DNAH7: variants seen among roughly 807,000 people sequenced by gnomAD.
DNAH7 encodes dynein axonemal heavy chain 7.
In DNAH7, 397 loss-of-function variants were observed where a neutral mutation model predicts 444.6. The ratio of observed to expected loss-of-function variants is 0.89; its 90% CI spans 0.82 to 0.97. DNAH7 has a LOEUF of 0.97. Among genes scored for constraint, DNAH7 ranks in the 50% least tolerant of loss-of-function variants. The pLI, the probability that DNAH7 is intolerant of heterozygous loss-of-function variation, is 0.00. For synonymous variants in DNAH7, 1,636 were observed against 1,624.4 expected (o/e 1.01, Z -0.17); for missense variants, 4,902 against 4,800.8 (o/e 1.02, Z -0.62).
intron 61 of DNAH7, among the ~76,000 whole-genome samples, chr2:195,764,559 T>C (rs1029200282): frequency 5.9e-5 from 9 of 152,168 alleles, no homozygotes; most frequent in Admixed American, 2.0e-4. Context: ...AAAATCAACG[T>C]ACAAAAATTA....
chr2:195,888,815 A>T lies in DNAH7; in HGVS notation c.5213T>A (p.Val1738Asp), dbSNP rs1334313911. 1.9e-6 allele frequency: 3 copies of T among 1,611,052 alleles called. No individual in the cohort carries two copies. The highest frequency in any genetic ancestry group is 2.5e-6 in the Non-Finnish European group (3 of 1,179,034). Residue 1738 changes from valine to aspartate, a missense_variant, in exon 32 of 65, where the codon GTT becomes GAT. Coordinates refer to ENST00000312428, the MANE Select transcript of DNAH7 (RefSeq NM_018897.3). ...NLIFEPMDLE[V>D]ASPATVSRCG... The stretch of plus-strand genomic sequence containing the variant: ...AGAACTTACAGTGGCAGGGGAAGCA[A>T]CTTCTAAATCCATTGGCTCAAAAAT...
rs866926180 is a variant in DNAH7, at chr2:195,817,849, C to A, written c.9292-20G>T. ...TGTTACCTATAAATGAAAAAATATACAAAAATTACATCATTATTTCTGTTA... is the reference window on the plus strand; with the variant it reads ...TGTTACCTATAAATGAAAAAATATAAAAAAATTACATCATTATTTCTGTTA... On this transcript the variant is annotated intron_variant, in intron 49 of 64. Coordinates refer to ENST00000312428, the MANE Select transcript of DNAH7 (RefSeq NM_018897.3). 2 of 1,521,054 alleles carry A rather than the reference C, an allele frequency of 1.3e-6. No individual in the cohort carries two copies. Among genetic ancestry groups the A allele is most frequent in the South Asian group, 1.2e-5 (1 of 80,436 alleles). The allele number at this position is 1,521,054 out of a possible 1,614,324, so 94.2% of individuals were successfully genotyped here.
At chr2:195,829,176 C>T (rs1697941883) in intron 48 of DNAH7, among the ~76,000 whole-genome samples, 1 of 152,018 alleles carries the variant, frequency 6.6e-6, no homozygotes. Context: ...ATAATAACTA[C>T]CAAAATAGGT....
At chr2:196,022,111 A>C (rs1246732760) in intron 8 of DNAH7, among the ~76,000 whole-genome samples, 2 of 152,142 alleles carry the variant, frequency 1.3e-5, no homozygotes, top group Admixed American at 1.3e-4. Context: ...TGGGCAAGAG[A>C]GTGAGACCCT....
At chr2:196,061,471 C>T (rs1010953622) in intron 1 of DNAH7, among the ~76,000 whole-genome samples, 2 of 152,190 alleles carry the variant, frequency 1.3e-5, no homozygotes, top group African/African-American at 2.4e-5. Context: ...CCTACCAGAA[C>T]TTCCCCATAT....
intron 24 of DNAH7, among the ~76,000 whole-genome samples, chr2:195,910,703 C>G (rs553335693): frequency 6.6e-6 from 1 of 151,988 alleles, no homozygotes; most frequent in Non-Finnish European, 1.5e-5. Flanking sequence ...CAGAAGTGAG[C>G]AATGTGGGGA....
chr2:195,797,569 G>C (rs529513137), intron 55 of DNAH7, among the ~76,000 whole-genome samples: 1 of 152,196 alleles, frequency 6.6e-6, no homozygotes, highest in East Asian at 1.9e-4. Context: ...TCAAAGGGTC[G>C]TCAAGCTTGT....
Position 195,923,632 on chromosome 2 carries a change from T to G in DNAH7, c.3788A>C (p.Asp1263Ala). The G allele has an allele frequency of 6.2e-7, 1 of 1,614,116 alleles. No individual in the cohort carries two copies. ...LVKKNISDDS[D>A]FEWLSQLRYY... ...CCTAAGCTGACTTAACCATTCAAAGTCAGAGTCATCGCTAATATTTTTTTT... is the reference window on the plus strand; with the variant it reads ...CCTAAGCTGACTTAACCATTCAAAGGCAGAGTCATCGCTAATATTTTTTTT... Residue 1263 changes from aspartate (D) to alanine (A), a missense_variant, in exon 23 of 65, where the codon GAC (aspartate) becomes GCC (alanine). By Grantham distance (126) the Asp-to-Ala change is moderately radical. Transcript: ENST00000312428.
intron 1 of DNAH7, among the ~76,000 whole-genome samples, chr2:196,059,917 A>G (rs1698040585): frequency 6.6e-6 from 1 of 152,166 alleles, no homozygotes; most frequent in South Asian, 2.1e-4. Flanking sequence ...TCTGGTTAAT[A>G]TTAAACCTAT....
intron 25 of DNAH7, 39 bp downstream of exon 25, chr2:195,909,988 A>T: frequency 6.4e-7 from 1 of 1,551,240 alleles, no homozygotes; most frequent in Non-Finnish European, 8.8e-7. Flanking sequence ...ATCTCTGATC[A>T]GTTATCCTGT....
chr2:195,907,700 G>T (rs1025320045), intron 25 of DNAH7, among the ~76,000 whole-genome samples: 29 of 152,088 alleles, frequency 1.9e-4, no homozygotes, highest in Non-Finnish European at 1.5e-5. Flanking sequence ...CATATTTTAT[G>T]CAAGGACACT....
At chr2:196,036,626 G>C (rs771665777) in intron 5 of DNAH7, among the ~76,000 whole-genome samples, 4 of 152,114 alleles carry the variant, frequency 2.6e-5, no homozygotes, top group Non-Finnish European at 5.9e-5. Flanking sequence ...TGGGGGTCCA[G>C]GGACCAGCCT....
intron 40 of DNAH7, among the ~76,000 whole-genome samples, 192 bp downstream of exon 40, chr2:195,872,058 A>C (rs1256691694): frequency 6.6e-6 from 1 of 151,936 alleles, no homozygotes; most frequent in African/African-American, 2.4e-5. Context: ...ATGGGAGATA[A>C]AGCATTTTAA....
Position 195,748,651 on chromosome 2 carries a change from G to C in DNAH7, c.11764+5686C>G, listed in dbSNP as rs182444740. ...ACCAAAACAGAGATAGAGACCAATG[G>C]AACAGAACAGAGCCCTCAGAAATAA... On this transcript the variant is annotated intron_variant, in intron 63 of 64. Coordinates refer to ENST00000312428, the MANE Select transcript of DNAH7 (RefSeq NM_018897.3). Among the ~76,000 whole-genome samples the C allele has an allele frequency of 3.7e-3, 556 of 152,232 alleles. 5 individuals are homozygous for C. Among genetic ancestry groups the C allele is most frequent in the African/African-American group, 0.013 (522 of 41,528 alleles).
chr2:196,066,990 C>T (rs1698463269), intron 1 of DNAH7, among the ~76,000 whole-genome samples: 1 of 152,208 alleles, frequency 6.6e-6, no homozygotes, highest in Non-Finnish European at 1.5e-5. Flanking sequence ...GGGCCCTCTG[C>T]TGTTCAAAAA....
chr2:196,045,816 CA>C (rs1480725785), intron 5 of DNAH7, among the ~76,000 whole-genome samples: 1 of 151,660 alleles, frequency 6.6e-6, no homozygotes, highest in Non-Finnish European at 1.5e-5. Flanking sequence ...GAAAATTCAA[CA>C]GAAAGCAGAA....
chr2:196,004,569 A>G (rs951569719), intron 10 of DNAH7, among the ~76,000 whole-genome samples: 1 of 152,208 alleles, frequency 6.6e-6, no homozygotes, highest in African/African-American at 2.4e-5. Context: ...ATGAATGGAA[A>G]CGAAAACACC....
chr2:196,057,668 C>T (rs550449970), intron 2 of DNAH7, among the ~76,000 whole-genome samples: 4 of 152,320 alleles, frequency 2.6e-5, no homozygotes, highest in Admixed American at 2.6e-4. Flanking sequence ...AATTCCATTA[C>T]ACAGTTCATG....
intron 55 of DNAH7, 138 bp from the exon 56 acceptor site, chr2:195,796,875 T>TA (rs1253683421): frequency 7.3e-6 from 6 of 824,176 alleles, no homozygotes; most frequent in African/African-American, 5.1e-5. Flanking sequence ...CATGCATCCC[T>TA]AAAAAACTCT....
Sources: gnomAD v4.1 joint callset for allele counts (sites outside exome capture counted in the v4.1 genomes callset) on GRCh38, gnomAD v4.1.1 for gene constraint, MANE v1.5 for transcripts, NCBI Gene and HGNC (gene_info 2026-07-23, HGNC 2026-07-21) for gene names.